Variants in TTC17 observed in about 807,000 individuals in gnomAD.
The protein encoded by TTC17 is tetratricopeptide repeat protein 17.
A neutral mutation model predicts 143.8 loss-of-function variants in TTC17; 58 were observed. The ratio of observed to expected loss-of-function variants is 0.40; its 90% CI spans 0.33 to 0.50. The LOEUF is 0.50. Among genes scored for constraint, TTC17 ranks in the 20% least tolerant of loss-of-function variants. The pLI is 0.49. For synonymous variants in TTC17, 501 were observed against 497.8 expected, an observed-to-expected ratio of 1.01 and a Z score of -0.09; for missense variants, 1,273 against 1,392.5, an observed-to-expected ratio of 0.91 and a Z score of 1.37.
chr11:43,371,800 T>G (rs1435531202), intron 1 of TTC17, among the ~76,000 whole-genome samples: 3 of 152,180 alleles, frequency 2.0e-5, no homozygotes, highest in African/African-American at 7.2e-5. Flanking sequence ...ACTTTGGAGA[T>G]TCTAAGGATT....
chr11:43,458,234 G>T (rs1410896827), intron 21 of TTC17, among the ~76,000 whole-genome samples: 1 of 152,072 alleles, frequency 6.6e-6, no homozygotes, highest in African/African-American at 2.4e-5. Flanking sequence ...CATGTTTGGT[G>T]CCTCTGGGGA....
At chr11:43,492,480 C>T (rs1948491726) in intron 23 of TTC17, among the ~76,000 whole-genome samples, 1 of 152,216 alleles carries the variant, frequency 6.6e-6, no homozygotes, top group Non-Finnish European at 1.5e-5. Flanking sequence ...TCCATGTAGA[C>T]ACACATACAT....
intron 21 of TTC17, chr11:43,486,289 A>G (rs996340597): frequency 3.7e-6 from 1 of 272,236 alleles, no homozygotes; most frequent in Non-Finnish European, 7.9e-6. Flanking sequence ...GAGTAGCATG[A>G]TGAAACCACC....
chr11:43,397,522 G>A, intron 7 of TTC17, 31 bp downstream of exon 7: 2 of 1,523,782 alleles, frequency 1.3e-6, no homozygotes, highest in Non-Finnish European at 1.8e-6. Context: ...CATGAGTCAT[G>A]CTAGTTGCCA....
At chr11:43,398,822 A>C (rs1234216377) in intron 8 of TTC17, among the ~76,000 whole-genome samples, 1 of 152,214 alleles carries the variant, frequency 6.6e-6, no homozygotes, top group African/African-American at 2.4e-5. Context: ...GAACTCATTA[A>C]ACTTTTGTAT....
intron 2 of TTC17, 84 bp downstream of exon 2, chr11:43,379,406 A>T: frequency 7.8e-7 from 1 of 1,278,188 alleles, no homozygotes; most frequent in African/African-American, 1.5e-5. Flanking sequence ...GCTAAAGCAT[A>T]TTATTTTTTA....
chr11:43,475,162 C>T (rs960850690), intron 21 of TTC17, among the ~76,000 whole-genome samples: 4 of 152,148 alleles, frequency 2.6e-5, no homozygotes, highest in African/African-American at 9.7e-5. Context: ...GAGATTTACC[C>T]TAAGAACCAA....
At chr11:43,387,667 C>G (rs1857218999) in intron 2 of TTC17, among the ~76,000 whole-genome samples, 1 of 152,032 alleles carries the variant, frequency 6.6e-6, no homozygotes, top group Non-Finnish European at 1.5e-5. Context: ...TTCTCAGTAG[C>G]TGAGGGAAAA....
chr11:43,414,230 A>C (rs1487401223), intron 15 of TTC17, among the ~76,000 whole-genome samples: 2 of 152,186 alleles, frequency 1.3e-5, no homozygotes, highest in African/African-American at 4.8e-5. Flanking sequence ...CCTGAAGTTC[A>C]AGAACTATGA....
chr11:43,376,164 A>G (rs1398040463), intron 1 of TTC17, among the ~76,000 whole-genome samples: 4 of 152,168 alleles, frequency 2.6e-5, no homozygotes, highest in Non-Finnish European at 5.9e-5. Context: ...GGAATATTCA[A>G]CTTGTACTTA....
At chr11:43,472,077 C>T (rs1344068822) in intron 21 of TTC17, among the ~76,000 whole-genome samples, 1 of 152,102 alleles carries the variant, frequency 6.6e-6, no homozygotes, top group Non-Finnish European at 1.5e-5. Context: ...GATATATCAG[C>T]CAGGCACAGT....
At chr11:43,446,923 G>C (rs553092110) in intron 18 of TTC17, among the ~76,000 whole-genome samples, 1 of 152,328 alleles carries the variant, frequency 6.6e-6, no homozygotes, top group African/African-American at 2.4e-5. Context: ...ATACACGTTA[G>C]AGTCAAACAG....
chr11:43,407,073 G>A (rs889324067), intron 13 of TTC17, 65 bp from the exon 14 acceptor site: 17 of 1,156,904 alleles, frequency 1.5e-5, no homozygotes, highest in Non-Finnish European at 2.1e-5. Flanking sequence ...GCCATCTATA[G>A]AAATTCTTTT....
intron 21 of TTC17, chr11:43,486,500 C>T (rs1365859616): frequency 4.7e-6 from 2 of 422,686 alleles, no homozygotes; most frequent in Admixed American, 2.5e-5. Flanking sequence ...AAGAAGTAAA[C>T]TAATGTATAT....
At chr11:43,359,643 G>A (rs149339449) in intron 1 of TTC17, among the ~76,000 whole-genome samples, 2 of 152,284 alleles carry the variant, frequency 1.3e-5, no homozygotes, top group African/African-American at 4.8e-5. Flanking sequence ...GTTTCAGCTT[G>A]TACCGTTACT....
chr11:43,399,611 G>A (rs913504219), intron 8 of TTC17, among the ~76,000 whole-genome samples: 9 of 152,178 alleles, frequency 5.9e-5, no homozygotes, highest in Non-Finnish European at 1.2e-4. Context: ...TTGAGCCCAA[G>A]AGTACAAGGC....
At chr11:43,408,906 T>C (rs1858271314) in intron 15 of TTC17, among the ~76,000 whole-genome samples, 1 of 151,888 alleles carries the variant, frequency 6.6e-6, no homozygotes, top group Admixed American at 6.6e-5. Context: ...TGCGTATGGC[T>C]GAATTTTGTA....
rs760376056 is a variant in TTC17, at chr11:43,397,423, G to A, written c.850G>A (p.Val284Met). Reference protein sequence around the residue: ...RAHFSADAAVVVHAALDDSDF... With the variant: ...RAHFSADAAVMVHAALDDSDF... ...ACACTTCTCTGCTGATGCTGCTGTC[G>A]TGGTCCATGCAGCTCTGGATGACAG... The change falls in exon 7 of 24, where the codon GTG becomes ATG. Residue 284 changes from valine (V) to methionine (M), a missense_variant. By Grantham distance (21) the Val-to-Met change is conservative. Coordinates refer to ENST00000039989, the MANE Select transcript of TTC17 (RefSeq NM_018259.6). The A allele has an allele frequency of 1.2e-5, 20 of 1,613,288 alleles. No homozygotes were observed. The highest frequency in any genetic ancestry group is 6.6e-5 in the South Asian group (6 of 91,076).
At chr11:43,407,917 C>T (rs1443707144) in intron 15 of TTC17, among the ~76,000 whole-genome samples, 1 of 152,016 alleles carries the variant, frequency 6.6e-6, no homozygotes, top group East Asian at 1.9e-4. Flanking sequence ...AGCATGCACA[C>T]TGCTTAATAT....
Sources: gnomAD v4.1 joint callset for allele counts (sites outside exome capture counted in the v4.1 genomes callset) on GRCh38, gnomAD v4.1.1 for gene constraint, MANE v1.5 for transcripts, NCBI Gene and HGNC (gene_info 2026-07-23, HGNC 2026-07-21) for gene names.